Variants in KCNAB1 observed in about 807,000 individuals in gnomAD.
KCNAB1 encodes the protein voltage-gated potassium channel subunit beta-1.
KCNAB1 carries 35 observed loss-of-function variants against 64.6 expected under a neutral mutation model. That is an observed-to-expected ratio of 0.54 (90% CI 0.41 to 0.72). The LOEUF is 0.72. Ranked by LOEUF, KCNAB1 falls within the 30% of genes least tolerant of loss-of-function variation. KCNAB1 has a pLI of 0.00. For missense variants in KCNAB1, 401 were observed against 512.9 expected, an observed-to-expected ratio of 0.78 and a Z score of 2.11; for synonymous variants, 177 against 183.8, an observed-to-expected ratio of 0.96 and a Z score of 0.30.
At position 156,360,736 on chromosome 3, in the gene KCNAB1, AAAAAG is replaced by A. The variant is rs547697677; in HGVS notation, c.276-60875_276-60871del. Among the ~76,000 whole-genome samples the A allele has an allele frequency of 7.1e-4, 108 of 152,072 alleles. 1 individual carries two copies. The highest frequency in any genetic ancestry group is 3.4e-3 in the Middle Eastern group (1 of 294). On this transcript the variant is annotated intron_variant, in intron 1 of 13. Coordinates refer to ENST00000490337, the MANE Select transcript of KCNAB1 (RefSeq NM_172160.3). ...TTCTCTCCCTCTATTTAAAAAAAAA[AAAAAG>A]AAAAACCAAAATGTTGGAATCATTC...
intron 1 of KCNAB1, among the ~76,000 whole-genome samples, chr3:156,304,952 T>A (rs1721393762): frequency 1.3e-5 from 2 of 152,144 alleles, no homozygotes; most frequent in South Asian, 4.1e-4. Context: ...TATGTGAATG[T>A]GTGTGTGATG....
intron 1 of KCNAB1, among the ~76,000 whole-genome samples, chr3:156,400,074 A>T (rs1713775586): frequency 6.6e-6 from 1 of 152,224 alleles, no homozygotes; most frequent in South Asian, 2.1e-4. Context: ...TTAGTTTTCC[A>T]TGTGATTTCC....
chr3:156,448,355 G>C (rs1407518309), intron 2 of KCNAB1, among the ~76,000 whole-genome samples: 1 of 152,214 alleles, frequency 6.6e-6, no homozygotes, highest in African/African-American at 2.4e-5. Flanking sequence ...CTGTCACAGA[G>C]GGTTTTTGAG....
chr3:156,255,431 C>T (rs747278072), intron 1 of KCNAB1, among the ~76,000 whole-genome samples: 1 of 152,122 alleles, frequency 6.6e-6, no homozygotes, highest in African/African-American at 2.4e-5. Context: ...TATTCCAAAC[C>T]AGATGTGGCC....
At chr3:156,379,426 T>A (rs541098564) in intron 1 of KCNAB1, among the ~76,000 whole-genome samples, 1 of 152,064 alleles carries the variant, frequency 6.6e-6, no homozygotes, top group East Asian at 1.9e-4. Flanking sequence ...GGTGTTGGTG[T>A]GGGAATTGTA....
chr3:156,187,287 A>T (rs1039056331), intron 1 of KCNAB1, among the ~76,000 whole-genome samples: 1 of 152,096 alleles, frequency 6.6e-6, no homozygotes, highest in Non-Finnish European at 1.5e-5. Context: ...TGACTCACTC[A>T]CATTCTTGGT....
intron 1 of KCNAB1, among the ~76,000 whole-genome samples, chr3:156,364,990 G>A (rs557160434): frequency 2.0e-5 from 3 of 152,248 alleles, no homozygotes; most frequent in African/African-American, 4.8e-5. Flanking sequence ...AACACAACCC[G>A]TTACTAGTGA....
chr3:156,175,651 C>T (rs1319294450), intron 1 of KCNAB1, among the ~76,000 whole-genome samples: 1 of 152,152 alleles, frequency 6.6e-6, no homozygotes, highest in Non-Finnish European at 1.5e-5. Context: ...TGAAATCAGG[C>T]AGGTGGATTT....
intron 1 of KCNAB1, chr3:156,142,863 C>T (rs1714781080): frequency 2.3e-6 from 1 of 429,284 alleles, no homozygotes; most frequent in Non-Finnish European, 3.2e-6. Flanking sequence ...AAAAAGTTCC[C>T]ATATTTTTTT....
At chr3:156,223,967 G>A (rs370638202) in intron 1 of KCNAB1, among the ~76,000 whole-genome samples, 7 of 152,380 alleles carry the variant, frequency 4.6e-5, no homozygotes, top group Admixed American at 6.5e-5. Flanking sequence ...AGGGGGCAGC[G>A]CTCATCAGGG....
chr3:156,436,063 T>C (rs553918576), intron 2 of KCNAB1, among the ~76,000 whole-genome samples: 2 of 152,310 alleles, frequency 1.3e-5, no homozygotes, highest in African/African-American at 4.8e-5. Context: ...CCTGATGCTC[T>C]CCCTACCCCT....
chr3:156,392,519 C>T (rs1713121062), intron 1 of KCNAB1, among the ~76,000 whole-genome samples: 1 of 152,160 alleles, frequency 6.6e-6, no homozygotes, highest in Admixed American at 6.5e-5. Context: ...TCAGTCAATA[C>T]AACATTGAAT....
At chr3:156,178,351 A>G (rs1032357363) in intron 1 of KCNAB1, among the ~76,000 whole-genome samples, 2 of 152,226 alleles carry the variant, frequency 1.3e-5, no homozygotes, top group Non-Finnish European at 2.9e-5. Context: ...TGGCTCCAGC[A>G]TTCTTTGATT....
chr3:156,321,720 TCTCA>T (rs1722674780), intron 1 of KCNAB1, among the ~76,000 whole-genome samples: 4 of 152,072 alleles, frequency 2.6e-5, no homozygotes, highest in South Asian at 2.1e-4. Flanking sequence ...AACTTTTGGG[TCTCA>T]CTCTATTTGT....
At chr3:156,337,460 CCTT>C (rs1317203459) in intron 1 of KCNAB1, among the ~76,000 whole-genome samples, 3 of 152,202 alleles carry the variant, frequency 2.0e-5, no homozygotes, top group African/African-American at 4.8e-5. Context: ...TTTTCATTTT[CCTT>C]CTTCTTCTTC....
At chr3:156,186,340 C>T (rs893936874) in intron 1 of KCNAB1, among the ~76,000 whole-genome samples, 1 of 152,006 alleles carries the variant, frequency 6.6e-6, no homozygotes, top group Non-Finnish European at 1.5e-5. Context: ...CAAAATTGTC[C>T]GTATTAGTTG....
intron 1 of KCNAB1, among the ~76,000 whole-genome samples, chr3:156,414,664 G>A (rs1350170054): frequency 6.6e-6 from 1 of 152,186 alleles, no homozygotes; most frequent in East Asian, 1.9e-4. Flanking sequence ...TCCCATTCAA[G>A]TTTATGTATC....
intron 12 of KCNAB1, among the ~76,000 whole-genome samples, chr3:156,528,174 CAA>C (rs3085733): frequency 1.5e-3 from 217 of 140,568 alleles, no homozygotes; most frequent in Admixed American, 2.0e-3. Context: ...ATAATGCAGT[CAA>C]AAAAAAAAAA....
chr3:156,313,877 A>C (rs957084629), intron 1 of KCNAB1, among the ~76,000 whole-genome samples: 2 of 152,216 alleles, frequency 1.3e-5, no homozygotes, highest in African/African-American at 4.8e-5. Flanking sequence ...TGTTTGAGTG[A>C]CCAGAGTGTG....
Sources: gnomAD v4.1 joint callset for allele counts (sites outside exome capture counted in the v4.1 genomes callset) on GRCh38, gnomAD v4.1.1 for gene constraint, MANE v1.5 for transcripts, NCBI Gene and HGNC (gene_info 2026-07-23, HGNC 2026-07-21) for gene names.